PAPPA: variants seen among roughly 807,000 people sequenced by gnomAD.
PAPPA encodes the protein pappalysin 1.
In PAPPA, 60 loss-of-function variants were observed where a neutral mutation model predicts 164.0. The observed-to-expected ratio is 0.37, with a 90% CI of 0.30 to 0.45. PAPPA has a LOEUF of 0.45. PAPPA is among the 20% of genes least tolerant of loss of function. The pLI, the probability that PAPPA is intolerant of heterozygous loss-of-function variation, is 1.00. For missense variants in PAPPA, 1,782 were observed against 2,087.3 expected, an observed-to-expected ratio of 0.85 and a Z score of 2.85; for synonymous variants, 875 against 814.1, an observed-to-expected ratio of 1.07 and a Z score of -1.27.
chr9:116,178,394 C>T (rs933436394), intron 1 of PAPPA, among the ~76,000 whole-genome samples: 1 of 152,178 alleles, frequency 6.6e-6, no homozygotes, highest in Non-Finnish European at 1.5e-5. Context: ...AGGCGTGAGC[C>T]ACCTTGCCTG....
At chr9:116,394,901 C>T (rs974140027) in intron 21 of PAPPA, among the ~76,000 whole-genome samples, 2 of 152,122 alleles carry the variant, frequency 1.3e-5, no homozygotes, top group African/African-American at 4.8e-5. Flanking sequence ...CATTCTGTGG[C>T]TTAGGGCCTG....
Position 116,396,588 on chromosome 9 carries a change from A to C in PAPPA, c.4856A>C (p.Lys1619Thr). 4 of 780,918 alleles carry C rather than the reference A, an allele frequency of 5.1e-6. No individual in the cohort carries two copies. The highest frequency in any genetic ancestry group is 9.6e-6 in the Non-Finnish European group (4 of 418,006). The allele number at this position is 780,918 out of a possible 1,614,324, so 48.4% of individuals were successfully genotyped here. ...RDPQAQEHSRKDLRGYSHG is the reference protein window; with the variant it reads ...RDPQAQEHSRTDLRGYSHG ...CCCCAGGCCCAAGAACACAGCCGGA[A>C]AGACCTCCGGGGATACAGCCATGGC... The change falls in exon 22 of 22, where the codon AAA becomes ACA. Residue 1619 changes from lysine (K) to threonine (T), a missense_variant. Physicochemically the swap from Lys to Thr is moderately conservative, Grantham distance 78 (BLOSUM62 -1). Coordinates refer to ENST00000328252, the MANE Select transcript of PAPPA (RefSeq NM_002581.5).
intron 9 of PAPPA, chr9:116,287,678 C>G (rs1285704850): frequency 6.6e-6 from 1 of 152,188 alleles, no homozygotes; most frequent in East Asian, 1.9e-4. Flanking sequence ...GAAGAGTTTT[C>G]CATTGTGTCC....
chr9:116,173,391 A>G (rs1461943863), intron 1 of PAPPA, among the ~76,000 whole-genome samples: 1 of 152,184 alleles, frequency 6.6e-6, no homozygotes, highest in East Asian at 1.9e-4. Context: ...AGGAGTCCTG[A>G]GACTTTAGTC....
intron 17 of PAPPA, among the ~76,000 whole-genome samples, chr9:116,358,601 C>T (rs1846383094): frequency 6.6e-6 from 1 of 152,250 alleles, no homozygotes; most frequent in Non-Finnish European, 1.5e-5. Flanking sequence ...GCTTAGCCAT[C>T]TAGCTCCTGC....
intron 1 of PAPPA, among the ~76,000 whole-genome samples, chr9:116,165,738 T>C (rs1843713119): frequency 6.6e-6 from 1 of 152,194 alleles, no homozygotes; most frequent in Admixed American, 6.5e-5. Flanking sequence ...TTACTTGGCT[T>C]ATCTTCTATT....
rs534433564 is a variant in PAPPA, at chr9:116,364,396, C to T, written c.4495+1657C>T. Among the ~76,000 whole-genome samples, 6 of 152,278 alleles carry T rather than the reference C, an allele frequency of 3.9e-5. No individual in the cohort carries two copies. The East Asian group carries it at 7.7e-4, about 20-fold the overall frequency. Reference sequence around the variant, plus strand: ...ATACATTCACACGTGCATACATAAACGCATGCCACATGCTGAAATGCTTCA... The same window carrying T: ...ATACATTCACACGTGCATACATAAATGCATGCCACATGCTGAAATGCTTCA... On this transcript the variant is annotated intron_variant, in intron 18 of 21. Coordinates refer to ENST00000328252, the MANE Select transcript of PAPPA (RefSeq NM_002581.5).
chr9:116,195,979 AG>A (rs1159070650), intron 2 of PAPPA, among the ~76,000 whole-genome samples: 5 of 152,208 alleles, frequency 3.3e-5, no homozygotes, highest in African/African-American at 1.2e-4. Context: ...ACTAAGTTTA[AG>A]CATTTCCAGC....
chr9:116,398,479 T>TTA lies in PAPPA; in HGVS notation c.*1863_*1864insTA, dbSNP rs1554758471. The TTA allele has an allele frequency of 4.3e-6, 3 of 702,564 alleles. No homozygotes were observed. The highest frequency in any genetic ancestry group is 5.8e-6 in the Non-Finnish European group (3 of 514,188). The allele number at this position is 702,564 out of a possible 1,614,324, so 43.5% of individuals were successfully genotyped here. A position where few individuals can be genotyped will look rare whatever the true frequency, so the allele number is the denominator to read the frequency against. On this transcript the variant is annotated 3_prime_UTR_variant, in exon 22 of 22. Transcript: ENST00000328252. ...GGTGTTGTTAATCTATCATAGCACT[T>TTA]AAAAAAAAAAAAAAAAAGAGACCAA...
At chr9:116,381,836 T>C (rs1447562736) in intron 20 of PAPPA, among the ~76,000 whole-genome samples, 2 of 152,200 alleles carry the variant, frequency 1.3e-5, no homozygotes, top group South Asian at 4.1e-4. Context: ...GTAAAATGTG[T>C]GACATCAAGT....
chr9:116,261,666 T>C (rs191777072), intron 7 of PAPPA, among the ~76,000 whole-genome samples: 16 of 152,320 alleles, frequency 1.1e-4, no homozygotes, highest in Admixed American at 9.2e-4. Flanking sequence ...TATATTAATA[T>C]TTTAGATAAT....
chr9:116,294,555 A>G (rs777127278), intron 9 of PAPPA, among the ~76,000 whole-genome samples: 18 of 152,188 alleles, frequency 1.2e-4, no homozygotes, highest in Admixed American at 2.0e-4. Flanking sequence ...CAGAGGAAAC[A>G]TATGCCAATA....
chr9:116,164,307 C>A (rs1290118810), intron 1 of PAPPA, among the ~76,000 whole-genome samples: 3 of 152,122 alleles, frequency 2.0e-5, no homozygotes, highest in Non-Finnish European at 1.5e-5. Context: ...CTCCTCATAC[C>A]CAGCTTATTT....
intron 1 of PAPPA, among the ~76,000 whole-genome samples, chr9:116,160,212 T>C (rs924381341): frequency 6.6e-6 from 1 of 152,164 alleles, no homozygotes; most frequent in Non-Finnish European, 1.5e-5. Flanking sequence ...AGCTAAGCAT[T>C]TGGGGAAGTT....
chr9:116,267,969 A>G (rs1246317270), intron 8 of PAPPA, among the ~76,000 whole-genome samples: 4 of 151,898 alleles, frequency 2.6e-5, no homozygotes, highest in Admixed American at 6.6e-5. Context: ...CATAATCTCA[A>G]GTGGCTTTCT....
intron 2 of PAPPA, among the ~76,000 whole-genome samples, chr9:116,204,526 T>G (rs900590605): frequency 1.3e-5 from 2 of 152,166 alleles, no homozygotes; most frequent in African/African-American, 4.8e-5. Flanking sequence ...GCAATCCTCC[T>G]GTCTCGGCCT....
chr9:116,154,610 G>C lies in PAPPA; in HGVS notation c.415+23G>C. On this transcript the variant is annotated intron_variant, in intron 1 of 21. Coordinates refer to ENST00000328252, the MANE Select transcript of PAPPA (RefSeq NM_002581.5). This position sits in a 1 kb window ranked among gnomAD's most constrained non-coding sequence, Gnocchi z 5.2. ...CAGGTAGGTGAGGGCGCCTCGGCGG[G>C]CGCTGCACCGTCCCTGCGGCCCCAG... 10 of 1,308,180 alleles carry C rather than the reference G, an allele frequency of 7.6e-6. No individual in the cohort carries two copies. Among genetic ancestry groups the C allele is most frequent in the Non-Finnish European group, 9.7e-6 (10 of 1,028,292 alleles). 81.0% of individuals were successfully genotyped at this position (1,308,180 alleles called of 1,614,324 possible). A position where few individuals can be genotyped will look rare whatever the true frequency, so the allele number is the denominator to read the frequency against.
chr9:116,289,852 A>T (rs958248626), intron 9 of PAPPA, among the ~76,000 whole-genome samples: 1 of 152,226 alleles, frequency 6.6e-6, no homozygotes, highest in East Asian at 1.9e-4. Flanking sequence ...AGATCATGCT[A>T]TGAAGGGAAT....
chr9:116,359,892 G>C (rs1339469431), intron 17 of PAPPA, among the ~76,000 whole-genome samples: 1 of 152,236 alleles, frequency 6.6e-6, no homozygotes, highest in Non-Finnish European at 1.5e-5. Flanking sequence ...GAAGGCTAAA[G>C]TGTCTTAGCA....
Sources: gnomAD v4.1 joint callset for allele counts (sites outside exome capture counted in the v4.1 genomes callset) on GRCh38, gnomAD v4.1.1 for gene constraint, Gnocchi (gnomAD v3.1) non-coding constraint, MANE v1.5 for transcripts, NCBI Gene and HGNC (gene_info 2026-07-23, HGNC 2026-07-21) for gene names.